Variants in MYO16 observed in about 807,000 individuals in gnomAD.
The protein encoded by MYO16 is unconventional myosin-XVI.
Under a neutral mutation model 205.3 loss-of-function variants are expected in MYO16, and 94 were observed. The ratio of observed to expected loss-of-function variants is 0.46; its 90% CI spans 0.39 to 0.54. The LOEUF is 0.54. Ranked by LOEUF, MYO16 falls within the 20% of genes least tolerant of loss-of-function variation. The pLI, the probability that MYO16 is intolerant of heterozygous loss-of-function variation, is 0.00. For synonymous variants in MYO16, 988 were observed against 954.0 expected (o/e 1.04, Z -0.66); for missense variants, 2,315 against 2,387.5 (o/e 0.97, Z 0.63).
At chr13:108,535,389 G>A in the MYO16 span, among the ~76,000 whole-genome samples, 5 of 152,118 alleles carry the variant, frequency 3.3e-5, no homozygotes, top group African/African-American at 1.2e-4. Flanking sequence ...CTGGCATGGT[G>A]GTCCCATGAT....
intron 1 of MYO16, among the ~76,000 whole-genome samples, chr13:108,622,355 A>G (rs1879575102): frequency 6.6e-6 from 1 of 152,136 alleles, no homozygotes; most frequent in Non-Finnish European, 1.5e-5. Flanking sequence ...ATTTCTTATC[A>G]CAGGAATTTG....
intron 9 of MYO16, among the ~76,000 whole-genome samples, chr13:108,842,411 A>C (rs1196642490): frequency 1.3e-5 from 2 of 152,056 alleles, no homozygotes; most frequent in Non-Finnish European, 2.9e-5. Flanking sequence ...CACACAGCTC[A>C]CTGTAAAAAA....
At position 109,117,412 on chromosome 13, in the gene MYO16, G is replaced by A. The variant is rs9670423; in HGVS notation, c.3439-2958G>A. On this transcript the variant is annotated intron_variant, in intron 28 of 34. Transcript: ENST00000457511. The stretch of plus-strand genomic sequence containing the variant: ...TGTGTATATATGTATATATATATGT[G>A]TATATATGTATATGTGTATATATAT... Among the ~76,000 whole-genome samples the A allele has an allele frequency of 2.8e-5, 4 of 144,022 alleles. No homozygotes were observed. In the South Asian group the frequency reaches 6.6e-4, roughly 24 times the overall value. The allele number at this position is 144,022 out of a possible 152,430, so 94.5% of individuals were successfully genotyped here. A position where few individuals can be genotyped will look rare whatever the true frequency, so the allele number is the denominator to read the frequency against.
At chr13:108,556,060 G>T in the MYO16 span, among the ~76,000 whole-genome samples, 1 of 152,168 alleles carries the variant, frequency 6.6e-6, no homozygotes, top group Non-Finnish European at 1.5e-5. Flanking sequence ...ATACTTAGGT[G>T]ATAATATATC....
At chr13:108,692,026 T>A (rs1163984576) in intron 2 of MYO16, among the ~76,000 whole-genome samples, 1 of 152,188 alleles carries the variant, frequency 6.6e-6, no homozygotes, top group African/African-American at 2.4e-5. Flanking sequence ...CTGAAAGACA[T>A]CACTTCCAAT....
chr13:108,555,072 G>C, the MYO16 span, among the ~76,000 whole-genome samples: 2 of 152,056 alleles, frequency 1.3e-5, no homozygotes, highest in Non-Finnish European at 2.9e-5. Flanking sequence ...AGTCTCAAAA[G>C]AGAATTATTA....
chr13:108,841,138 G>T (rs113476541), intron 9 of MYO16, among the ~76,000 whole-genome samples: 10 of 152,212 alleles, frequency 6.6e-5, no homozygotes, highest in African/African-American at 2.2e-4. Context: ...TGGTTTCAAG[G>T]CTAAATGAGG....
chr13:109,140,785 TC>T lies in MYO16; in HGVS notation c.4578del (p.Ala1527ProfsTer7). The T allele has an allele frequency of 6.5e-7, 1 of 1,544,484 alleles. No individual in the cohort carries two copies. Among genetic ancestry groups the T allele is most frequent in the Non-Finnish European group, 8.7e-7 (1 of 1,149,990 alleles). On this transcript the variant is annotated frameshift_variant, in exon 32 of 35. Coordinates refer to ENST00000457511, the MANE Select transcript of MYO16 (RefSeq NM_001198950.3). LOFTEE classifies it high-confidence loss of function. This position sits in a 1 kb window ranked among gnomAD's most constrained non-coding sequence, Gnocchi z 8.0. ...GTTCCCCCCGACCCCCGTCACCTGC[TC>T]CCCCGCCTCCGACGAGTCGCCCCTG... The part of the protein sequence containing the change: ...LVFPPTPVTC[S>X]PASDESPLTP...
intron 12 of MYO16, among the ~76,000 whole-genome samples, chr13:108,876,246 T>A (rs1331205701): frequency 6.6e-6 from 1 of 152,214 alleles, no homozygotes; most frequent in African/African-American, 2.4e-5. Context: ...GACAGTTGTG[T>A]GCCCACCACC....
intron 23 of MYO16, among the ~76,000 whole-genome samples, chr13:109,026,995 G>A (rs2139543820): frequency 6.6e-6 from 1 of 152,276 alleles, no homozygotes; most frequent in East Asian, 1.9e-4. Flanking sequence ...TCCTAGGCCT[G>A]CCAAAACCAA....
intron 2 of MYO16, among the ~76,000 whole-genome samples, chr13:108,712,247 T>C (rs1368018697): frequency 6.6e-6 from 1 of 152,218 alleles, no homozygotes; most frequent in Non-Finnish European, 1.5e-5. Flanking sequence ...AAAAGTAAAC[T>C]TTTATTGCTT....
At chr13:109,185,404 A>G (rs545738436) in intron 34 of MYO16, among the ~76,000 whole-genome samples, 1 of 152,282 alleles carries the variant, frequency 6.6e-6, no homozygotes, top group Admixed American at 6.5e-5. Context: ...TGCTTAAAAA[A>G]AAAAAAGCTA....
chr13:108,683,614 A>G (rs1426189294), intron 2 of MYO16, among the ~76,000 whole-genome samples: 1 of 152,214 alleles, frequency 6.6e-6, no homozygotes, highest in African/African-American at 2.4e-5. Flanking sequence ...CCCTGGGACA[A>G]CATAGATTTG....
At chr13:108,543,432 T>C in the MYO16 span, among the ~76,000 whole-genome samples, 24 of 151,674 alleles carry the variant, frequency 1.6e-4, no homozygotes, top group African/African-American at 5.1e-4. Context: ...ATCACGAGGT[T>C]GGGAGATCGA....
chr13:109,125,242 C>A lies in MYO16; in HGVS notation c.3666C>A (p.Val1222=). 1 of 1,614,126 alleles carries A rather than the reference C, an allele frequency of 6.2e-7. No homozygotes were observed. The highest frequency in any genetic ancestry group is 1.1e-5 in the South Asian group (1 of 91,048). ...DMGLKTYDAL[V]IQNASDIARE... is the part of the protein sequence containing the mutation. Reference sequence around the variant, plus strand: ...GGCTGAAAACCTACGATGCCCTGGTCATTCAGAATGCTTCAGACATTGCCC... The same window carrying A: ...GGCTGAAAACCTACGATGCCCTGGTAATTCAGAATGCTTCAGACATTGCCC... The change falls in exon 30 of 35, where the codon GTC becomes GTA. Residue 1222 remains valine (V), a synonymous_variant. Transcript: ENST00000457511. The surrounding 1 kb of genome is among the most constrained non-coding windows in gnomAD (Gnocchi z 4.0).
chr13:109,078,337 G>T (rs1443677749), intron 27 of MYO16, among the ~76,000 whole-genome samples: 1 of 152,046 alleles, frequency 6.6e-6, no homozygotes, highest in Non-Finnish European at 1.5e-5. Flanking sequence ...TATTCAGGAG[G>T]CTGAGGCAGG....
the MYO16 span, among the ~76,000 whole-genome samples, chr13:108,539,566 G>T: frequency 6.6e-6 from 1 of 152,130 alleles, no homozygotes; most frequent in African/African-American, 2.4e-5. Context: ...TAGATAGAAG[G>T]CTATGGCTAA....
At chr13:108,626,634 TG>T (rs1428916464), upstream of MYO16, among the ~76,000 whole-genome samples, 1 of 151,882 alleles carries the variant, frequency 6.6e-6, no homozygotes, top group Non-Finnish European at 1.5e-5. Flanking sequence ...TGAAATCTCA[TG>T]TCTACTAAAA....
intron 7 of MYO16, among the ~76,000 whole-genome samples, chr13:108,817,497 G>C (rs1875689125): frequency 6.9e-6 from 1 of 145,478 alleles, no homozygotes; most frequent in African/African-American, 2.5e-5. Flanking sequence ...GTGTTTTCTT[G>C]TATGGGATGA....
Sources: allele counts gnomAD v4.1 joint callset (sites outside exome capture counted in the v4.1 genomes callset), GRCh38; gene constraint gnomAD v4.1.1; non-coding constraint Gnocchi (gnomAD v3.1); transcripts MANE v1.5; gene names NCBI Gene and HGNC (gene_info 2026-07-23, HGNC 2026-07-21).